Variants in SUPT3H observed in about 807,000 individuals in gnomAD.
The protein encoded by SUPT3H is SPT3 homolog, SAGA and STAGA complex component.
SUPT3H carries 44 observed loss-of-function variants against 44.3 expected under a neutral mutation model. The ratio of observed to expected loss-of-function variants is 0.99; its 90% CI spans 0.78 to 1.28. The LOEUF is 1.28. Among genes scored for constraint, SUPT3H ranks in the 50% most tolerant of loss-of-function variants. The pLI, the probability that SUPT3H is intolerant of heterozygous loss-of-function variation, is 0.00. For synonymous variants in SUPT3H, 124 were observed against 125.6 expected, an observed-to-expected ratio of 0.99 and a Z score of 0.09; for missense variants, 380 against 387.1, an observed-to-expected ratio of 0.98 and a Z score of 0.15.
intron 2 of SUPT3H, among the ~76,000 whole-genome samples, chr6:45,186,383 C>T (rs144784098): frequency 1.7e-3 from 259 of 152,078 alleles, no homozygotes; most frequent in African/African-American, 5.8e-3. Context: ...CCATCAAAGA[C>T]GTATTTCAAA....
chr6:45,235,507 CAT>C lies in SUPT3H; in HGVS notation c.102-129503_102-129502del, dbSNP rs565872934. Among the ~76,000 whole-genome samples, 1,165 of 152,060 alleles carry C rather than the reference CAT, an allele frequency of 7.7e-3. 19 individuals carry two copies. Among genetic ancestry groups the C allele is most frequent in the African/African-American group, 0.026 (1,074 of 41,472 alleles). ...TAACTTTATATTTACAGGATATATA[CAT>C]GTGTGTGTGTGTACCTGAGACCTAA... On this transcript the variant is annotated intron_variant, in intron 2 of 10. Transcript: ENST00000371459.
intron 3 of SUPT3H, among the ~76,000 whole-genome samples, chr6:45,050,198 A>G (rs1790051797): frequency 6.6e-6 from 1 of 152,114 alleles, no homozygotes; most frequent in African/African-American, 2.4e-5. Context: ...TAGGTAAGCT[A>G]TAGCTTAAGA....
intron 5 of SUPT3H, among the ~76,000 whole-genome samples, chr6:45,009,115 A>T (rs929595258): frequency 1.3e-5 from 2 of 152,048 alleles, no homozygotes; most frequent in African/African-American, 4.8e-5. Flanking sequence ...CCATTTTTAA[A>T]TTGGGCCACT....
At chr6:45,238,752 T>C (rs974723347) in intron 2 of SUPT3H, among the ~76,000 whole-genome samples, 1 of 152,192 alleles carries the variant, frequency 6.6e-6, no homozygotes, top group Non-Finnish European at 1.5e-5. Flanking sequence ...TGGGAGAACT[T>C]GGATTGTTAA....
chr6:44,818,667 A>G (rs187447632), intron 11 of SUPT3H, among the ~76,000 whole-genome samples: 63 of 152,336 alleles, frequency 4.1e-4, no homozygotes, highest in Admixed American at 4.0e-3. Context: ...AACAAAGAAA[A>G]AATACAGATG....
chr6:44,835,112 G>A (rs1213918624), intron 10 of SUPT3H, among the ~76,000 whole-genome samples: 2 of 152,076 alleles, frequency 1.3e-5, no homozygotes, highest in African/African-American at 4.8e-5. Context: ...TGTGGCAAAT[G>A]TATGCATCTT....
At chr6:45,362,505 ATT>A (rs1794438411) in intron 2 of SUPT3H, among the ~76,000 whole-genome samples, 1 of 152,238 alleles carries the variant, frequency 6.6e-6, no homozygotes, top group Non-Finnish European at 1.5e-5. Flanking sequence ...TTAAATGTAT[ATT>A]GAGTCTAATT....
chr6:45,190,836 C>T (rs1431413462), intron 2 of SUPT3H, among the ~76,000 whole-genome samples: 2 of 152,064 alleles, frequency 1.3e-5, no homozygotes, highest in East Asian at 3.9e-4. Flanking sequence ...GGAAAAGATG[C>T]TCAACATATG....
intron 2 of SUPT3H, among the ~76,000 whole-genome samples, chr6:45,168,846 T>G (rs1456629254): frequency 3.9e-5 from 6 of 152,190 alleles, no homozygotes; most frequent in Non-Finnish European, 7.3e-5. Flanking sequence ...CTTAAACTGT[T>G]AAGGGCCTTC....
chr6:45,004,267 T>A (rs1412645703), intron 5 of SUPT3H, among the ~76,000 whole-genome samples: 2 of 151,876 alleles, frequency 1.3e-5, no homozygotes, highest in African/African-American at 4.8e-5. Context: ...TGAAATACTA[T>A]CTAGTAATAA....
chr6:45,314,721 A>T (rs1259878882), intron 2 of SUPT3H, among the ~76,000 whole-genome samples: 1 of 152,136 alleles, frequency 6.6e-6, no homozygotes, highest in Non-Finnish European at 1.5e-5. Flanking sequence ...TGCCAAAAGC[A>T]ATCTATAAAT....
intron 10 of SUPT3H, among the ~76,000 whole-genome samples, chr6:44,843,601 C>G (rs936530338): frequency 6.6e-6 from 1 of 151,448 alleles, no homozygotes; most frequent in Admixed American, 6.6e-5. Flanking sequence ...TAGCAGTGAA[C>G]AAGAAGAAAA....
chr6:44,878,610 T>A (rs906853345), intron 10 of SUPT3H, among the ~76,000 whole-genome samples: 5 of 152,188 alleles, frequency 3.3e-5, no homozygotes, highest in Admixed American at 3.3e-4. Flanking sequence ...TAAAATGGTA[T>A]AGCTGCTCTC....
At chr6:45,345,049 C>T (rs1790568565) in intron 2 of SUPT3H, among the ~76,000 whole-genome samples, 1 of 152,116 alleles carries the variant, frequency 6.6e-6, no homozygotes, top group Admixed American at 6.5e-5. Context: ...TACATTAAAA[C>T]GTTCCTCATG....
chr6:44,826,907 TAA>T lies in SUPT3H; in HGVS notation c.*2907_*2908del, dbSNP rs1355092976. Among the ~76,000 whole-genome samples, 4 of 152,192 alleles carry T rather than the reference TAA, an allele frequency of 2.6e-5. No individual in the cohort carries two copies. The highest frequency in any genetic ancestry group is 2.1e-4 in the South Asian group (1 of 4,834). ...ATTTGTGCTTCTGATGGTTTTCAAA[TAA>T]AAAGTCTTGGTTTTAAAATTGAAAC... On this transcript the variant is annotated 3_prime_UTR_variant, in exon 11 of 11. Transcript: ENST00000371459.
chr6:45,283,175 AACT>A (rs1778504409), intron 2 of SUPT3H, among the ~76,000 whole-genome samples: 1 of 152,196 alleles, frequency 6.6e-6, no homozygotes, highest in South Asian at 2.1e-4. Context: ...AAACTGCATC[AACT>A]AACGAGCAAA....
At chr6:44,855,752 C>T (rs183321016) in intron 10 of SUPT3H, among the ~76,000 whole-genome samples, 1 of 151,962 alleles carries the variant, frequency 6.6e-6, no homozygotes, top group Non-Finnish European at 1.5e-5. Flanking sequence ...ACCACCCTGA[C>T]AATCAGAGAC....
At chr6:45,359,010 T>C (rs1793753618) in intron 2 of SUPT3H, among the ~76,000 whole-genome samples, 1 of 152,144 alleles carries the variant, frequency 6.6e-6, no homozygotes, top group African/African-American at 2.4e-5. Context: ...CATCACAGAA[T>C]TACTCAAATA....
chr6:45,190,568 C>T (rs1038108392), intron 2 of SUPT3H, among the ~76,000 whole-genome samples: 1 of 151,608 alleles, frequency 6.6e-6, no homozygotes, highest in African/African-American at 2.4e-5. Context: ...GTGAGGAGAC[C>T]CATCAGGTAG....
Sources: gnomAD v4.1 joint callset for allele counts (sites outside exome capture counted in the v4.1 genomes callset) on GRCh38, gnomAD v4.1.1 for gene constraint, MANE v1.5 for transcripts, NCBI Gene and HGNC (gene_info 2026-07-23, HGNC 2026-07-21) for gene names.